Variants in BRCA1 observed in about 807,000 individuals in gnomAD.
BRCA1 encodes the protein BRCA1 DNA repair associated, also known as breast cancer type 1 susceptibility protein.
BRCA1 carries 140 observed loss-of-function variants against 173.7 expected under a neutral mutation model. The ratio of observed to expected loss-of-function variants is 0.81; its 90% CI spans 0.70 to 0.93. The LOEUF (loss-of-function observed/expected upper bound fraction) is 0.93. BRCA1 is among the 40% of genes least tolerant of loss of function. The pLI, the probability that BRCA1 is intolerant of heterozygous loss-of-function variation, is 0.00. For synonymous variants in BRCA1, 662 were observed against 756.0 expected (o/e 0.88, Z 2.04); for missense variants, 1,983 against 2,172.5 (o/e 0.91, Z 1.73).
intron 6 of BRCA1, among the ~76,000 whole-genome samples, chr17:43,101,037 A>G (rs946714693): frequency 2.7e-5 from 4 of 150,390 alleles, no homozygotes; most frequent in African/African-American, 9.8e-5. Context: ...GGCCAATAAC[A>G]TTTTTAAAAA....
chr17:43,101,700 C>T (rs566512455), intron 6 of BRCA1, among the ~76,000 whole-genome samples: 65 of 151,892 alleles, frequency 4.3e-4, no homozygotes, highest in Admixed American at 1.0e-3. Context: ...ATGGGTTTCA[C>T]CATGTTGGCC....
At chr17:43,135,482 A>G (rs2056011915) in intron 1 of BRCA1, among the ~76,000 whole-genome samples, 1 of 152,218 alleles carries the variant, frequency 6.6e-6, no homozygotes, top group African/African-American at 2.4e-5. Context: ...TGCGTTAAAT[A>G]AGGAGCTTAT....
chr17:43,050,928 G>T (rs1353793017), intron 20 of BRCA1, 135 bp downstream of exon 20: 5 of 867,508 alleles, frequency 5.8e-6, no homozygotes, highest in Non-Finnish European at 9.3e-6. Context: ...TGTTTGGAGA[G>T]TGGTAGAGAA....
chr17:43,136,822 C>T (rs576120878), intron 1 of BRCA1, among the ~76,000 whole-genome samples: 6 of 152,304 alleles, frequency 3.9e-5, no homozygotes, highest in Middle Eastern at 3.4e-3. Context: ...AACGCTTTTA[C>T]GCCATTGGTG....
rs545115509 is a variant in BRCA1 at position 43,118,985 on chromosome 17, T to C, written c.81-3206A>G. 2.4e-4 allele frequency: 51 copies of C among 209,606 alleles called. No homozygotes were observed. The East Asian group carries it at 3.6e-3, about 15-fold the overall frequency. The allele number at this position is 209,606 out of a possible 1,614,324, so 13.0% of individuals were successfully genotyped here. A position where few individuals can be genotyped will look rare whatever the true frequency, so the allele number is the denominator to read the frequency against. On this transcript the variant is annotated intron_variant, in intron 2 of 22. Coordinates refer to ENST00000357654, the MANE Select transcript of BRCA1 (RefSeq NM_007294.4). The stretch of plus-strand genomic sequence containing the variant: ...TTCACCATATTGCCCAGGCTGGTCT[T>C]GAAGTCCTGACCTCAAGTGATCCAT...
At chr17:43,142,563 G>C (rs528496025) in intron 1 of BRCA1, 48 of 152,258 alleles carry the variant, frequency 3.2e-4, no homozygotes, top group African/African-American at 1.2e-3. Context: ...GGTCACCTAC[G>C]TCCTTCTAGC....
At chr17:43,134,120 C>T (rs1458796268) in intron 1 of BRCA1, among the ~76,000 whole-genome samples, 1 of 152,240 alleles carries the variant, frequency 6.6e-6, no homozygotes, top group Non-Finnish European at 1.5e-5. Flanking sequence ...TCTCTGGTCC[C>T]TTGACCCTTT....
intron 1 of BRCA1, among the ~76,000 whole-genome samples, chr17:43,136,020 G>T (rs973386268): frequency 1.3e-5 from 2 of 152,208 alleles, no homozygotes; most frequent in South Asian, 2.1e-4. Flanking sequence ...TTCGCCGGGC[G>T]CAGGGCTCCC....
chr17:43,143,787 CA>C (rs1398340488), intron 1 of BRCA1, among the ~76,000 whole-genome samples: 1 of 152,098 alleles, frequency 6.6e-6, no homozygotes, highest in East Asian at 1.9e-4. Flanking sequence ...GAGGTAGCCC[CA>C]CCAGTATGTT....
chr17:43,169,777 G>A (rs1398352373), intron 1 of BRCA1: 1 of 234,808 alleles, frequency 4.3e-6, no homozygotes, highest in Non-Finnish European at 8.5e-6. Flanking sequence ...AGCAGAGGGT[G>A]CAGGCCTCCT....
upstream of BRCA1, among the ~76,000 whole-genome samples, chr17:43,126,608 G>T (rs1227577853): frequency 6.6e-6 from 1 of 152,230 alleles, no homozygotes; most frequent in Admixed American, 6.5e-5. Flanking sequence ...AGCCCTTCGT[G>T]TTCTGAGGGA....
rs542486635 is a variant in BRCA1 at position 43,142,980 on chromosome 17, G to GTA, written c.-19-18867_-19-18866dup. Reference sequence around the variant, plus strand: ...TGTGTGTGTGTGTATATATATGTGTGTATATATATATGTATATATGTATAT... The same window carrying GTA: ...TGTGTGTGTGTGTATATATATGTGTGTATATATATATATGTATATATGTATAT... On this transcript the variant is annotated intron_variant, in intron 1 of 7. Transcript: ENST00000634433. Among the ~76,000 whole-genome samples the GTA allele has an allele frequency of 4.9e-5, 7 of 144,076 alleles. No homozygotes were observed. In the East Asian group the frequency reaches 6.0e-4, roughly 12 times the overall value. The allele number at this position is 144,076 out of a possible 152,430, so 94.5% of individuals were successfully genotyped here.
intron 2 of BRCA1, among the ~76,000 whole-genome samples, chr17:43,117,694 G>A (rs528991979): frequency 5.8e-4 from 88 of 152,248 alleles, no homozygotes; most frequent in African/African-American, 1.9e-3. Context: ...AGCCAAGATC[G>A]CGCCACTGTA....
At position 43,051,082 on chromosome 17, in the gene BRCA1, G is replaced by A. The variant is rs1131692076; in HGVS notation, c.5313C>T (p.Pro1771=). Residue 1771 remains proline, a synonymous_variant, in exon 20 of 23, where the codon CCC becomes CCT. Coordinates refer to ENST00000357654, the MANE Select transcript of BRCA1 (RefSeq NM_007294.4). ...TCTTACCTGTGGGCATGTTGGTGAA[G>A]GGCCCATAGCAACAGATTTCTAGCC... is the stretch of plus-strand genomic sequence containing the variant. ...FRGLEICCYG[P]FTNMPTDQLE... is the part of the protein sequence containing the mutation. 1 of 1,614,074 alleles carries A rather than the reference G, an allele frequency of 6.2e-7. No homozygotes were observed. Among genetic ancestry groups the A allele is most frequent in the Non-Finnish European group, 8.5e-7 (1 of 1,179,972 alleles).
chr17:43,164,625 C>A (rs1394106853), intron 1 of BRCA1: 1 of 152,124 alleles, frequency 6.6e-6, no homozygotes, highest in African/African-American at 2.4e-5. Flanking sequence ...GACTGTGGCC[C>A]ATGACTCTGG....
chr17:43,057,182 T>A (rs1211201107), intron 18 of BRCA1, 47 bp from the exon 19 acceptor site: 1 of 1,577,378 alleles, frequency 6.3e-7, no homozygotes, highest in Admixed American at 1.7e-5. Flanking sequence ...AAAGAGAAGC[T>A]TCCTTCAATG....
chr17:43,104,019 A>G (rs2154547943), intron 6 of BRCA1, 103 bp downstream of exon 6: 1 of 1,416,990 alleles, frequency 7.1e-7, no homozygotes, highest in Non-Finnish European at 9.7e-7. Flanking sequence ...AGGCAGGAGG[A>G]CTGCTTCTAG....
intron 16 of BRCA1, among the ~76,000 whole-genome samples, chr17:43,066,785 A>G (rs1371199725): frequency 7.0e-6 from 1 of 142,058 alleles, no homozygotes; most frequent in Admixed American, 7.1e-5. Flanking sequence ...TTAATAGTTG[A>G]CTATCTCAGC....
intron 2 of BRCA1, among the ~76,000 whole-genome samples, chr17:43,120,552 T>C (rs978829136): frequency 3.3e-5 from 5 of 150,412 alleles, no homozygotes; most frequent in African/African-American, 9.8e-5. Context: ...GATCACGAGG[T>C]CAGGAAGTGG....
Sources: allele counts gnomAD v4.1 joint callset (sites outside exome capture counted in the v4.1 genomes callset), GRCh38; gene constraint gnomAD v4.1.1; transcripts MANE v1.5; gene names NCBI Gene and HGNC (gene_info 2026-07-23, HGNC 2026-07-21).